GBF1: variants seen among roughly 807,000 people sequenced by gnomAD.
GBF1 encodes the protein Golgi-specific brefeldin A-resistance guanine nucleotide exchange factor 1.
A neutral mutation model predicts 210.5 loss-of-function variants in GBF1; 114 were observed. The ratio of observed to expected loss-of-function variants is 0.54; its 90% CI spans 0.47 to 0.63. The LOEUF is 0.63. Among genes scored for constraint, GBF1 ranks in the 30% least tolerant of loss-of-function variants. The pLI, the probability that GBF1 is intolerant of heterozygous loss-of-function variation, is 0.00. For missense variants in GBF1, 1,851 were observed against 2,357.7 expected (o/e 0.79, Z 4.45); for synonymous variants, 850 against 889.2 (o/e 0.96, Z 0.78).
chr10:102,230,837 C>T, the GBF1 span: 10 of 1,583,964 alleles, frequency 6.3e-6, no homozygotes, highest in African/African-American at 8.1e-5. Flanking sequence ...ACCATGGAGG[C>T]GGCGATGGAG....
chr10:102,270,701 C>T (rs542948154), intron 3 of GBF1, among the ~76,000 whole-genome samples: 2 of 152,266 alleles, frequency 1.3e-5, no homozygotes, highest in Admixed American at 1.3e-4. Context: ...ACCATTATCA[C>T]AACTAAGAAA....
At chr10:102,367,647 G>T in intron 21 of GBF1, 87 bp downstream of exon 21, 1 of 829,758 alleles carries the variant, frequency 1.2e-6, no homozygotes, top group African/African-American at 1.7e-5. Flanking sequence ...ATGTCAGACT[G>T]CAGTGACTCA....
chr10:102,275,445 G>A (rs2074868531), intron 3 of GBF1, among the ~76,000 whole-genome samples: 2 of 152,144 alleles, frequency 1.3e-5, no homozygotes, highest in Admixed American at 1.3e-4. Flanking sequence ...ACCTCAGAGA[G>A]ACCGTCCCCT....
intron 3 of GBF1, among the ~76,000 whole-genome samples, chr10:102,281,324 T>G (rs2075455444): frequency 6.6e-6 from 1 of 152,152 alleles, no homozygotes; most frequent in Non-Finnish European, 1.5e-5. Context: ...GGGGCTAGAC[T>G]CTTCCACACC....
At chr10:102,306,690 C>T (rs1021699382) in intron 3 of GBF1, among the ~76,000 whole-genome samples, 4 of 152,366 alleles carry the variant, frequency 2.6e-5, no homozygotes, top group African/African-American at 9.6e-5. Flanking sequence ...TCCCAAAGTG[C>T]TGGGATTACA....
intron 3 of GBF1, among the ~76,000 whole-genome samples, chr10:102,323,239 G>GAAA (rs775888621): frequency 0.016 from 1,050 of 64,858 alleles, 8 homozygotes; most frequent in Middle Eastern, 0.098. Context: ...CTCCAAAATT[G>GAAA]AAAAAAAAAA....
At chr10:102,369,576 A>G in intron 24 of GBF1, 135 bp from the exon 25 acceptor site, 2 of 908,864 alleles carry the variant, frequency 2.2e-6, no homozygotes, top group South Asian at 2.9e-5. Context: ...GGTAGATGCC[A>G]TTGCCAGTCA....
At chr10:102,380,727 C>T (rs761066114) in intron 38 of GBF1, 41 bp downstream of exon 38, 2 of 1,513,026 alleles carry the variant, frequency 1.3e-6, no homozygotes, top group East Asian at 2.3e-5. Context: ...GAGTCTCCTG[C>T]CTGGGCACAA....
chr10:102,303,965 A>G (rs1465880309), intron 3 of GBF1, among the ~76,000 whole-genome samples: 2 of 152,018 alleles, frequency 1.3e-5, no homozygotes, highest in Non-Finnish European at 1.5e-5. Flanking sequence ...TGCTATGGTC[A>G]TACCAGGACT....
chr10:102,374,913 A>G (rs545017304), intron 29 of GBF1, among the ~76,000 whole-genome samples: 31 of 152,176 alleles, frequency 2.0e-4, no homozygotes, highest in Admixed American at 7.2e-4. Flanking sequence ...GCTCATGCCT[A>G]TAATCCCAGC....
rs1210870810 is a variant in GBF1 at position 102,380,042 on chromosome 10, A to G, written c.4878+88A>G. The G allele has an allele frequency of 6.6e-6, 6 of 911,452 alleles. No homozygotes were observed. The African/African-American group carries it at 9.8e-5, about 15-fold the overall frequency. 56.5% of individuals were successfully genotyped at this position (911,452 alleles called of 1,614,324 possible). ...CCAGGGCTTCTGGCAGGACCTAGAG[A>G]TGCACTGTAGGTGCTCACAACCCCC... On this transcript the variant is annotated intron_variant, in intron 36 of 39. Coordinates refer to ENST00000369983, the MANE Select transcript of GBF1 (RefSeq NM_001377137.1).
chr10:102,366,584 C>CT lies in GBF1; in HGVS notation c.2433+98dup, dbSNP rs397968996. 0.058 allele frequency: 36,666 copies of CT among 636,422 alleles called. 297 individuals carry two copies. Among genetic ancestry groups the CT allele is most frequent in the African/African-American group, 0.1 (4,603 of 44,188 alleles). The allele number at this position is 636,422 out of a possible 1,614,324, so 39.4% of individuals were successfully genotyped here. A position where few individuals can be genotyped will look rare whatever the true frequency, so the allele number is the denominator to read the frequency against. ...GGGCTGAAGAATCCAGCTGCTGTCT[C>CT]TTTTTTTTTTTTTTTTTTTTGAGAC... On this transcript the variant is annotated intron_variant, in intron 19 of 39. Transcript: ENST00000369983. This position sits in a 1 kb window ranked among gnomAD's most constrained non-coding sequence, Gnocchi z 4.0.
chr10:102,276,048 C>T (rs559748933), intron 3 of GBF1, among the ~76,000 whole-genome samples: 130 of 151,228 alleles, frequency 8.6e-4, no homozygotes, highest in Non-Finnish European at 1.5e-3. Context: ...ACCAGCCTGG[C>T]CAACATGGTG....
chr10:102,303,110 C>G (rs1363276142), intron 3 of GBF1, among the ~76,000 whole-genome samples: 1 of 151,678 alleles, frequency 6.6e-6, no homozygotes, highest in East Asian at 1.9e-4. Flanking sequence ...GCCTCCACCT[C>G]CCAAGTAGCT....
intron 1 of GBF1, among the ~76,000 whole-genome samples, chr10:102,258,150 A>AT (rs60505807): frequency 0.064 from 6,219 of 96,906 alleles, 324 homozygotes; most frequent in Non-Finnish European, 0.095. Context: ...AGTATTACAG[A>AT]TTTTTTTTTT....
At chr10:102,276,628 A>G (rs2075004963) in intron 3 of GBF1, among the ~76,000 whole-genome samples, 1 of 151,880 alleles carries the variant, frequency 6.6e-6, no homozygotes, top group Admixed American at 6.6e-5. Context: ...AGAGAATGGG[A>G]GATGGTGCCA....
chr10:102,237,263 G>T, the GBF1 span, among the ~76,000 whole-genome samples: 1 of 152,324 alleles, frequency 6.6e-6, no homozygotes, highest in Middle Eastern at 3.4e-3. Context: ...GCCCATGGAA[G>T]GTGGTACCGA....
chr10:102,273,572 T>C (rs929627404), intron 3 of GBF1, among the ~76,000 whole-genome samples: 2 of 152,158 alleles, frequency 1.3e-5, no homozygotes, highest in African/African-American at 4.8e-5. Flanking sequence ...CAATGTTATT[T>C]CATGGGCAAG....
chr10:102,268,262 A>C (rs2133244141), intron 3 of GBF1, among the ~76,000 whole-genome samples: 1 of 152,206 alleles, frequency 6.6e-6, no homozygotes, highest in East Asian at 1.9e-4. Flanking sequence ...TCTTCCTCAT[A>C]CCCAGGCACA....
Sources: allele counts gnomAD v4.1 joint callset (sites outside exome capture counted in the v4.1 genomes callset), GRCh38; gene constraint gnomAD v4.1.1; non-coding constraint Gnocchi (gnomAD v3.1); transcripts MANE v1.5; gene names NCBI Gene and HGNC (gene_info 2026-07-23, HGNC 2026-07-21).